The following ZHX3 variants were observed in gnomAD, a reference collection of about 807,000 sequenced individuals.
ZHX3 encodes zinc fingers and homeoboxes 3.
In ZHX3, 20 loss-of-function variants were observed where a neutral mutation model predicts 64.5. That is an observed-to-expected ratio of 0.31 (90% CI 0.22 to 0.45). ZHX3 has a LOEUF of 0.45. Ranked by LOEUF, ZHX3 falls within the 20% of genes least tolerant of loss-of-function variation. The pLI is 1.00. For synonymous variants in ZHX3, 423 were observed against 461.6 expected (o/e 0.92, Z 1.07); for missense variants, 1,041 against 1,195.8 (o/e 0.87, Z 1.91).
chr20:41,273,259 C>T (rs530040919), intron 1 of ZHX3, among the ~76,000 whole-genome samples: 4 of 152,112 alleles, frequency 2.6e-5, no homozygotes, highest in South Asian at 2.1e-4. Context: ...AAGAGTTTTT[C>T]GTTTTGTTTT....
intron 2 of ZHX3, among the ~76,000 whole-genome samples, chr20:41,266,316 A>G (rs1048018152): frequency 1.3e-5 from 2 of 152,126 alleles, no homozygotes; most frequent in Admixed American, 1.3e-4. Context: ...GTAGGTACAG[A>G]GACTGACATA....
chr20:41,279,196 A>G (rs1463027932), intron 1 of ZHX3, among the ~76,000 whole-genome samples: 2 of 152,206 alleles, frequency 1.3e-5, no homozygotes, highest in African/African-American at 2.4e-5. Context: ...AAAGGCCCAT[A>G]TTGCCAAACT....
chr20:41,218,931 T>TG (rs1428522859), intron 2 of ZHX3, among the ~76,000 whole-genome samples: 1 of 144,538 alleles, frequency 6.9e-6, no homozygotes, highest in East Asian at 2.0e-4. Context: ...CTGTTTTTTT[T>TG]TTTTTTTTTT....
intron 2 of ZHX3, among the ~76,000 whole-genome samples, chr20:41,222,130 G>C (rs1168121461): frequency 6.6e-6 from 1 of 152,218 alleles, no homozygotes; most frequent in African/African-American, 2.4e-5. Flanking sequence ...CATCAATCTA[G>C]GCAGGAGATG....
intron 2 of ZHX3, among the ~76,000 whole-genome samples, chr20:41,264,507 C>T (rs1441281354): frequency 7.1e-6 from 1 of 140,726 alleles, no homozygotes; most frequent in East Asian, 2.1e-4. Flanking sequence ...TGCAGTGAGC[C>T]AAGATCACGC....
intron 2 of ZHX3, among the ~76,000 whole-genome samples, chr20:41,229,884 T>C (rs2146377014): frequency 6.6e-6 from 1 of 152,344 alleles, no homozygotes; most frequent in South Asian, 2.1e-4. Context: ...TTTATAGTTT[T>C]AGATCTTTTG....
intron 1 of ZHX3, among the ~76,000 whole-genome samples, chr20:41,287,601 C>T (rs1469323664): frequency 6.6e-6 from 1 of 152,116 alleles, no homozygotes; most frequent in Admixed American, 6.5e-5. Flanking sequence ...GATCATGCCC[C>T]GAGGGGAAGC....
intron 1 of ZHX3, among the ~76,000 whole-genome samples, chr20:41,310,957 T>C (rs573948073): frequency 1.3e-5 from 2 of 152,042 alleles, no homozygotes; most frequent in African/African-American, 4.8e-5. Context: ...TACAGGCACG[T>C]GCCACCACAC....
rs59572991 is a variant in ZHX3 at position 41,231,561 on chromosome 20, T to C, written c.-150-26495A>G. 8.8e-3 allele frequency among the ~76,000 whole-genome samples: 1,345 copies of C among 152,362 alleles called. 14 individuals carry two copies. The highest frequency in any genetic ancestry group is 0.031 in the African/African-American group (1,287 of 41,584). On this transcript the variant is annotated intron_variant, in intron 2 of 3. Coordinates refer to ENST00000683867, the MANE Select transcript of ZHX3 (RefSeq NM_001384317.1). Reference sequence around the variant, plus strand: ...ATTTTTTATAGCACATTCTACCTTATAATTTTTTTGTATGTGGCTGACTTT... The same window carrying C: ...ATTTTTTATAGCACATTCTACCTTACAATTTTTTTGTATGTGGCTGACTTT...
At chr20:41,255,213 G>A (rs1341599015) in intron 2 of ZHX3, among the ~76,000 whole-genome samples, 7 of 152,016 alleles carry the variant, frequency 4.6e-5, no homozygotes, top group Non-Finnish European at 1.0e-4. Flanking sequence ...GTGCAGTGGC[G>A]CCATCTCGGC....
chr20:41,260,132 C>CCT (rs2042480167), intron 2 of ZHX3, among the ~76,000 whole-genome samples: 1 of 148,236 alleles, frequency 6.7e-6, no homozygotes, highest in Non-Finnish European at 1.5e-5. Flanking sequence ...GAACAAAAGG[C>CCT]ATATAGGTAA....
chr20:41,247,797 G>A (rs1336829818), intron 2 of ZHX3, among the ~76,000 whole-genome samples: 3 of 152,140 alleles, frequency 2.0e-5, no homozygotes, highest in Admixed American at 1.3e-4. Context: ...TGTCTTCAGT[G>A]ATTCCCTGCA....
Position 41,179,404 on chromosome 20 carries a change from C to T in ZHX3, c.*5787G>A, listed in dbSNP as rs980774339. On this transcript the variant is annotated 3_prime_UTR_variant, in exon 4 of 4. Transcript: ENST00000683867. This position sits in a 1 kb window ranked among gnomAD's most constrained non-coding sequence, Gnocchi z 4.3. ...TGACAATCTCATGTGGGGCTCTGGC[C>T]CTGTTCCAAGCAAACTGCAAGAACG... 6.6e-6 allele frequency: 1 copy of T among 152,004 alleles called. No individual in the cohort carries two copies. The highest frequency in any genetic ancestry group is 1.5e-5 in the Non-Finnish European group (1 of 68,014). The allele number at this position is 152,004 out of a possible 1,614,324, so 9.4% of individuals were successfully genotyped here. A position where few individuals can be genotyped will look rare whatever the true frequency, so the allele number is the denominator to read the frequency against.
rs1340849128 is a variant in ZHX3, at chr20:41,202,253, C to G, written c.2664G>C (p.Gly888=). 6.2e-7 allele frequency: 1 copy of G among 1,614,132 alleles called. No individual in the cohort carries two copies. Among genetic ancestry groups the G allele is most frequent in the Non-Finnish European group, 8.5e-7 (1 of 1,180,008 alleles). The change falls in exon 3 of 4, where the codon GGG becomes GGC. Residue 888 remains glycine, a synonymous_variant. Transcript: ENST00000683867. This position sits in a 1 kb window ranked among gnomAD's most constrained non-coding sequence, Gnocchi z 7.0. ...TGTCTGCCACGGCTCTGGTCTCCTC[C>G]CCCATTTTCTCAGCAAACCACTGCT... ...QVKQWFAEKM[G]EETRAVADTG...
intron 1 of ZHX3, among the ~76,000 whole-genome samples, chr20:41,294,431 G>A (rs913726419): frequency 1.3e-4 from 19 of 151,942 alleles, no homozygotes; most frequent in African/African-American, 1.9e-4. Context: ...ATATGATCTC[G>A]GCTAACTGCA....
intron 1 of ZHX3, among the ~76,000 whole-genome samples, chr20:41,273,776 GA>G (rs1422257154): frequency 1.3e-5 from 2 of 152,128 alleles, no homozygotes; most frequent in Admixed American, 1.3e-4. Context: ...TGGGAAGCAT[GA>G]ATACTCCAAC....
intron 1 of ZHX3, among the ~76,000 whole-genome samples, chr20:41,307,129 G>A (rs558633786): frequency 6.6e-6 from 1 of 152,150 alleles, no homozygotes; most frequent in African/African-American, 2.4e-5. Context: ...AAAGGTCTAG[G>A]GCAGAAAGAG....
chr20:41,317,340 G>C (rs1314420719), intron 1 of ZHX3, among the ~76,000 whole-genome samples, 169 bp downstream of exon 1: 1 of 152,158 alleles, frequency 6.6e-6, no homozygotes, highest in South Asian at 2.1e-4. Flanking sequence ...GAAAGACCAG[G>C]GGCAGCCGGC....
chr20:41,221,090 T>C (rs545204689), intron 2 of ZHX3, among the ~76,000 whole-genome samples: 3 of 152,314 alleles, frequency 2.0e-5, no homozygotes, highest in African/African-American at 7.2e-5. Flanking sequence ...GTTCCTGTAC[T>C]TTGTGTGACT....
Sources: gnomAD v4.1 joint callset for allele counts (sites outside exome capture counted in the v4.1 genomes callset) on GRCh38, gnomAD v4.1.1 for gene constraint, Gnocchi (gnomAD v3.1) non-coding constraint, MANE v1.5 for transcripts, NCBI Gene and HGNC (gene_info 2026-07-23, HGNC 2026-07-21) for gene names.